Variants in DMD observed in about 807,000 individuals in gnomAD.
DMD encodes mutant dystrophin.
In DMD, 63 loss-of-function variants were observed where a neutral mutation model predicts 330.1. The ratio of observed to expected loss-of-function variants is 0.19; its 90% CI spans 0.16 to 0.24. The LOEUF (loss-of-function observed/expected upper bound fraction) is 0.24. Ranked by LOEUF, DMD falls within the 10% of genes least tolerant of loss-of-function variation. The probability of loss-of-function intolerance (pLI) is 1.00; values close to 1 mark genes in which losing one functional copy is unlikely to be tolerated. For synonymous variants in DMD, 1,223 were observed against 959.8 expected (o/e 1.27, Z -5.07); for missense variants, 3,344 against 2,684.1 (o/e 1.25, Z -5.43).
At chrX:32,902,195 A>ACG (rs1233830685) in intron 2 of DMD, among the ~76,000 whole-genome samples, 7 of 107,570 alleles carry the variant, frequency 6.5e-5, no homozygotes, top group African/African-American at 2.1e-4. Context: ...ACACACACAC[A>ACG]CGCAGAAACA....
chrX:32,497,249 T>A (rs924593749), intron 19 of DMD, among the ~76,000 whole-genome samples: 1 of 112,440 alleles, frequency 8.9e-6, no homozygotes, highest in Non-Finnish European at 1.9e-5. Context: ...AGTGTTATCA[T>A]TCTGTGCCAT....
chrX:31,641,549 G>A (rs2079762982), intron 54 of DMD, among the ~76,000 whole-genome samples: 2 of 108,023 alleles, frequency 1.9e-5, no homozygotes, highest in South Asian at 8.3e-4. Context: ...CAAAGTTGAG[G>A]ACAGGCGCAC....
At chrX:32,920,456 TG>T (rs2088280696) in intron 2 of DMD, among the ~76,000 whole-genome samples, 1 of 110,684 alleles carries the variant, frequency 9.0e-6, no homozygotes, top group African/African-American at 3.3e-5. Flanking sequence ...CTAGGCTCCT[TG>T]GAGAGTCTAC....
At chrX:31,555,319 A>G (rs1033548048) in intron 55 of DMD, among the ~76,000 whole-genome samples, 1 of 111,781 alleles carries the variant, frequency 8.9e-6, no homozygotes, top group African/African-American at 3.3e-5. Context: ...TAATTAGAAG[A>G]TAAGTAGTTA....
intron 74 of DMD, among the ~76,000 whole-genome samples, chrX:31,149,547 C>A (rs2037135152): frequency 8.9e-6 from 1 of 112,299 alleles, no homozygotes; most frequent in Non-Finnish European, 1.9e-5. Flanking sequence ...GAACTAAGTT[C>A]ATAATAATTG....
chrX:32,537,736 A>T, intron 17 of DMD, among the ~76,000 whole-genome samples: 1 of 112,122 alleles, frequency 8.9e-6, no homozygotes, highest in Non-Finnish European at 1.9e-5. Context: ...TTTGCACTCA[A>T]CTATGCTTCT....
At chrX:32,786,073 G>C (rs1282416888) in intron 7 of DMD, among the ~76,000 whole-genome samples, 1 of 99,711 alleles carries the variant, frequency 1.0e-5, no homozygotes, top group Admixed American at 1.1e-4. Context: ...CTTGCCTCTT[G>C]AGGAGGAATA....
intron 44 of DMD, among the ~76,000 whole-genome samples, chrX:32,082,956 T>C (rs920108535): frequency 1.8e-5 from 2 of 111,706 alleles, no homozygotes; most frequent in African/African-American, 6.5e-5. Flanking sequence ...GGAGTCAATA[T>C]TAGATCCAAA....
intron 54 of DMD, among the ~76,000 whole-genome samples, chrX:31,631,580 C>T (rs1394980764): frequency 4.5e-5 from 5 of 111,082 alleles, no homozygotes; most frequent in African/African-American, 1.3e-4. Context: ...GTAGTTGTGA[C>T]TGTATGGTAG....
intron 29 of DMD, among the ~76,000 whole-genome samples, chrX:32,432,372 C>G (rs1010382887): frequency 1.1e-4 from 12 of 111,785 alleles, no homozygotes; most frequent in African/African-American, 3.3e-4. Context: ...TGTCAGTGGT[C>G]ATAGGCATGT....
At chrX:32,650,531 T>G (rs758801857) in intron 9 of DMD, among the ~76,000 whole-genome samples, 1 of 111,859 alleles carries the variant, frequency 8.9e-6, no homozygotes, top group East Asian at 2.8e-4. Flanking sequence ...CAACCAGGAT[T>G]AGTACCTGGA....
intron 3 of DMD, 151 bp from the exon 4 acceptor site, chrX:32,845,011 G>C: frequency 1.9e-6 from 1 of 528,863 alleles, no homozygotes; most frequent in South Asian, 2.6e-5. Context: ...AATACTTTGC[G>C]CTAATTGTCC....
rs1257197654 is a variant in DMD at position 32,773,459 on chromosome X, C to T, written c.649+36034G>A. Among the ~76,000 whole-genome samples the T allele has an allele frequency of 7.3e-5, 8 of 110,185 alleles. No homozygotes were observed. The South Asian group carries it at 2.7e-3, about 38-fold the overall frequency. The stretch of plus-strand genomic sequence containing the variant: ...TATAAATTATTGGTAACTATAATCA[C>T]TCTAGGGTGCTACCAAACACTAGAT... On this transcript the variant is annotated intron_variant, in intron 7 of 78. Transcript: ENST00000357033.
chrX:33,339,288 C>T lies in DMD; in HGVS notation c.-23G>A, dbSNP rs372690023. On this transcript the variant is annotated 5_prime_UTR_variant, in exon 1 of 18. Coordinates refer to the DMD transcript ENST00000288447. Reference sequence around the variant, plus strand: ...CATGCCAGCTGTTTTTCCTGTCACTCCATCATGCCAATAAGTTGGCTGCTG... The same window carrying T: ...CATGCCAGCTGTTTTTCCTGTCACTTCATCATGCCAATAAGTTGGCTGCTG... 3.7e-5 allele frequency: 38 copies of T among 1,025,103 alleles called. No individual in the cohort carries two copies. In the African/African-American group the frequency reaches 5.0e-4, roughly 14 times the overall value. 84.5% of individuals were successfully genotyped at this position (1,025,103 alleles called of 1,213,427 possible). A position where few individuals can be genotyped will look rare whatever the true frequency, so the allele number is the denominator to read the frequency against.
rs1171432879 is a variant in DMD, at chrX:32,094,470, G to A, written c.6438+122446C>T. 1.1e-4 allele frequency among the ~76,000 whole-genome samples: 12 copies of A among 111,487 alleles called. No homozygotes were observed. In the Admixed American group the frequency reaches 1.1e-3, roughly 11 times the overall value. ...ATGGCAAATATGTAATATCAATAAT[G>A]CCAAAATGTTTAGTTATTTTTGTGA... On this transcript the variant is annotated intron_variant, in intron 44 of 78. Coordinates refer to ENST00000357033, the MANE Select transcript of DMD (RefSeq NM_004006.3).
intron 62 of DMD, among the ~76,000 whole-genome samples, chrX:31,320,703 TGACA>T (rs1158769473): frequency 1.8e-5 from 2 of 112,400 alleles, no homozygotes; most frequent in Non-Finnish European, 3.8e-5. Context: ...ATCTGCTTAC[TGACA>T]ATGTTCATTT....
intron 62 of DMD, among the ~76,000 whole-genome samples, chrX:31,269,533 A>G (rs995728360): frequency 8.9e-5 from 10 of 111,810 alleles, no homozygotes; most frequent in Admixed American, 1.9e-4. Context: ...TCGAAGACTC[A>G]TGCGCTTAGC....
intron 52 of DMD, among the ~76,000 whole-genome samples, chrX:31,681,372 C>T (rs1178084226): frequency 9.0e-6 from 1 of 111,232 alleles, no homozygotes; most frequent in Non-Finnish European, 1.9e-5. Flanking sequence ...GCTGTTACTA[C>T]ATCTAGGCCC....
At chrX:31,776,622 G>A in intron 50 of DMD, among the ~76,000 whole-genome samples, 1 of 100,716 alleles carries the variant, frequency 9.9e-6, no homozygotes. Flanking sequence ...GAGGGAGGGA[G>A]GGAGGGAGGG....
Sources: allele counts gnomAD v4.1 joint callset (sites outside exome capture counted in the v4.1 genomes callset), GRCh38; gene constraint gnomAD v4.1.1; transcripts MANE v1.5; gene names NCBI Gene and HGNC (gene_info 2026-07-23, HGNC 2026-07-21).